Variants in HMCN1 observed in about 807,000 individuals in gnomAD.
HMCN1 encodes hemicentin-1.
HMCN1 carries 321 observed loss-of-function variants against 625.9 expected under a neutral mutation model. The observed-to-expected ratio is 0.51, with a 90% CI of 0.47 to 0.56. The LOEUF (loss-of-function observed/expected upper bound fraction) is 0.56. Among genes scored for constraint, HMCN1 ranks in the 20% least tolerant of loss-of-function variants. HMCN1 has a pLI of 0.00. For synonymous variants in HMCN1, 2,425 were observed against 2,417.6 expected, an observed-to-expected ratio of 1.00 and a Z score of -0.09; for missense variants, 6,588 against 6,887.3, an observed-to-expected ratio of 0.96 and a Z score of 1.54.
rs373788542 is a variant in HMCN1 at position 186,041,006 on chromosome 1, T to C, written c.6181-7T>C. 2.7e-5 allele frequency: 43 copies of C among 1,612,604 alleles called. No individual in the cohort carries two copies. The highest frequency in any genetic ancestry group is 2.2e-5 in the East Asian group (1 of 44,788). ...TATTGGTTATTTAGCGTTCTTACCA[T>C]TGATAGGTTCTCTCTGGTGGTCGAA... is the stretch of plus-strand genomic sequence containing the variant. On this transcript the variant is annotated splice_polypyrimidine_tract_variant and splice_region_variant and intron_variant, in intron 39 of 106. Transcript: ENST00000271588.
chr1:185,972,386 A>G (rs1650893642), intron 15 of HMCN1, among the ~76,000 whole-genome samples: 1 of 152,156 alleles, frequency 6.6e-6, no homozygotes, highest in Non-Finnish European at 1.5e-5. Flanking sequence ...GGTTCACACT[A>G]TCTGTGTTGG....
chr1:185,801,316 A>G (rs1256045144), intron 1 of HMCN1, among the ~76,000 whole-genome samples: 5 of 152,222 alleles, frequency 3.3e-5, no homozygotes, highest in African/African-American at 9.6e-5. Context: ...AAAAAATCGC[A>G]GCTCAAATGA....
intron 86 of HMCN1, among the ~76,000 whole-genome samples, chr1:186,134,920 C>T (rs987169886): frequency 4.3e-4 from 65 of 152,266 alleles, no homozygotes; most frequent in Non-Finnish European, 8.8e-5. Flanking sequence ...AGGATTTGAA[C>T]CAATGTTCAC....
chr1:186,093,217 C>G lies in HMCN1; in HGVS notation c.9971C>G (p.Pro3324Arg). Residue 3324 changes from proline to arginine, a missense_variant, in exon 65 of 107, where the codon CCC becomes CGC. Coordinates refer to ENST00000271588, the MANE Select transcript of HMCN1 (RefSeq NM_031935.3). ...TGKYTCVATN[P>R]AGEEDRIFNL... is the part of the protein sequence containing the mutation. ...AAATACACATGTGTTGCTACTAATC[C>G]CGCTGGAGAAGAAGACCGAATTTTT... The G allele has an allele frequency of 1.2e-6, 2 of 1,613,266 alleles. No homozygotes were observed. Among genetic ancestry groups the G allele is most frequent in the Non-Finnish European group, 1.7e-6 (2 of 1,179,554 alleles).
intron 1 of HMCN1, among the ~76,000 whole-genome samples, chr1:185,822,355 A>C (rs1013838576): frequency 1.3e-5 from 2 of 152,034 alleles, no homozygotes; most frequent in Non-Finnish European, 2.9e-5. Context: ...TTTGTTCTGA[A>C]CCTAAAACTT....
Position 185,990,270 on chromosome 1 carries a change from T to C in HMCN1, c.3209-5T>C. 1.9e-6 allele frequency: 3 copies of C among 1,613,518 alleles called. No individual in the cohort carries two copies. Among genetic ancestry groups the C allele is most frequent in the Middle Eastern group, 3.3e-4 (2 of 6,058 alleles). Reference sequence around the variant, plus strand: ...TTTCCCTTCCAAAACATGTGTTTATTTTAGTAAGGCCCAGAGTGTTTGGAG... The same window carrying C: ...TTTCCCTTCCAAAACATGTGTTTATCTTAGTAAGGCCCAGAGTGTTTGGAG... On this transcript the variant is annotated splice_region_variant and splice_polypyrimidine_tract_variant and intron_variant, in intron 21 of 106. Transcript: ENST00000271588.
intron 81 of HMCN1, among the ~76,000 whole-genome samples, chr1:186,124,259 T>C (rs1661536708): frequency 6.6e-6 from 1 of 152,098 alleles, no homozygotes; most frequent in African/African-American, 2.4e-5. Context: ...CCCAGACAAC[T>C]TTAAACACTC....
At chr1:186,051,302 A>G (rs189021635) in intron 42 of HMCN1, among the ~76,000 whole-genome samples, 2 of 152,192 alleles carry the variant, frequency 1.3e-5, no homozygotes, top group Admixed American at 1.3e-4. Flanking sequence ...AGTTGATTAG[A>G]TTAAGAAGTG....
intron 14 of HMCN1, among the ~76,000 whole-genome samples, chr1:185,967,372 A>C (rs1650484106): frequency 6.6e-6 from 1 of 152,006 alleles, no homozygotes; most frequent in Non-Finnish European, 1.5e-5. Context: ...TACATGAGAG[A>C]TTCTAGAATT....
chr1:186,077,014 G>C (rs1483083636), intron 54 of HMCN1, among the ~76,000 whole-genome samples: 4 of 152,086 alleles, frequency 2.6e-5, no homozygotes, highest in Admixed American at 6.6e-5. Context: ...AATAAATAGG[G>C]AAGATTATTA....
At chr1:186,018,475 G>C (rs890033516) in intron 34 of HMCN1, 123 bp downstream of exon 34, 6 of 1,043,924 alleles carry the variant, frequency 5.7e-6, no homozygotes, top group Non-Finnish European at 8.8e-6. Context: ...TAGTGTAAAG[G>C]ATGTGAATTT....
chr1:185,876,618 A>G (rs1262544839), intron 4 of HMCN1, among the ~76,000 whole-genome samples: 1 of 152,080 alleles, frequency 6.6e-6, no homozygotes, highest in African/African-American at 2.4e-5. Context: ...CTGGTCAGAA[A>G]TGGGATCTCA....
At position 186,088,001 on chromosome 1, in the gene HMCN1, C is replaced by T. The variant is rs192222844; in HGVS notation, c.9433C>T (p.Leu3145Phe). ...AGGACGGGATGATAAAAATTTCCAC[C>T]TCAATGTATATGGTGAGCATTTGCC... ...VAGRDDKNFH[L>F]NVYVPPSIEG... is the part of the protein sequence containing the mutation. The change falls in exon 61 of 107, where the codon CTC becomes TTC. Residue 3145 changes from leucine (L) to phenylalanine (F), a missense_variant. Coordinates refer to ENST00000271588, the MANE Select transcript of HMCN1 (RefSeq NM_031935.3). 2.5e-6 allele frequency: 4 copies of T among 1,613,052 alleles called. No homozygotes were observed. In the African/African-American group the frequency reaches 4.0e-5, roughly 16 times the overall value.
intron 69 of HMCN1, among the ~76,000 whole-genome samples, chr1:186,106,488 A>G (rs1436839283): frequency 1.3e-5 from 2 of 152,150 alleles, no homozygotes; most frequent in African/African-American, 4.8e-5. Flanking sequence ...CTGTTTACTT[A>G]TTTAACATCT....
intron 11 of HMCN1, among the ~76,000 whole-genome samples, chr1:185,956,133 A>G (rs945973462): frequency 2.6e-5 from 4 of 152,198 alleles, no homozygotes; most frequent in Non-Finnish European, 4.4e-5. Context: ...AGATACAGGA[A>G]AAGTCAAAGT....
rs1212038848 is a variant in HMCN1 at position 186,165,131 on chromosome 1, C to T, written c.15277C>T (p.Pro5093Ser). 8.7e-6 allele frequency: 14 copies of T among 1,614,016 alleles called. No individual in the cohort carries two copies. The highest frequency in any genetic ancestry group is 1.2e-5 in the Non-Finnish European group (14 of 1,179,968). Residue 5093 changes from proline (P) to serine (S), a missense_variant, in exon 98 of 107, where the codon CCC becomes TCC. By Grantham distance (74) the Pro-to-Ser change is moderately conservative. Coordinates refer to ENST00000271588, the MANE Select transcript of HMCN1 (RefSeq NM_031935.3). ...ISKGDRSNQC[P>S]SGFTLDSVGP... ...GGTAGGAGATCGCAGTAATCAGTGC[C>T]CCTCCGGGTTTACCTTAGACTCAGT...
At chr1:185,955,580 C>A (rs1410214437) in intron 11 of HMCN1, among the ~76,000 whole-genome samples, 2 of 152,146 alleles carry the variant, frequency 1.3e-5, no homozygotes, top group Non-Finnish European at 1.5e-5. Flanking sequence ...TCTTTCATAT[C>A]ATAAAATATT....
chr1:185,884,277 A>C (rs566439612), intron 4 of HMCN1, among the ~76,000 whole-genome samples: 21 of 151,966 alleles, frequency 1.4e-4, no homozygotes, highest in African/African-American at 4.3e-4. Context: ...TTTCCTTTGT[A>C]GAAAGTGGTT....
At chr1:185,933,013 A>G (rs1208373622) in intron 10 of HMCN1, among the ~76,000 whole-genome samples, 1 of 151,960 alleles carries the variant, frequency 6.6e-6, no homozygotes, top group African/African-American at 2.4e-5. Flanking sequence ...GTCTGTTCCT[A>G]CTGTTCACCT....
Sources: allele counts gnomAD v4.1 joint callset (sites outside exome capture counted in the v4.1 genomes callset), GRCh38; gene constraint gnomAD v4.1.1; transcripts MANE v1.5; gene names NCBI Gene and HGNC (gene_info 2026-07-23, HGNC 2026-07-21).